CARD8: variants seen among roughly 807,000 people sequenced by gnomAD.
The protein encoded by CARD8 is caspase recruitment domain-containing protein 8.
Under a neutral mutation model 53.2 loss-of-function variants are expected in CARD8, and 38 were observed. The ratio of observed to expected loss-of-function variants is 0.71; its 90% confidence interval spans 0.55 to 0.94. The LOEUF is 0.94. Ranked by LOEUF, CARD8 falls within the 40% of genes least tolerant of loss-of-function variation. CARD8 has a pLI of 0.00. For synonymous variants in CARD8, 245 were observed against 244.9 expected (o/e 1.00, Z 0.00); for missense variants, 561 against 655.5 (o/e 0.86, Z 1.57).
intron 11 of CARD8, among the ~76,000 whole-genome samples, chr19:48,221,517 A>C (rs1600214183): frequency 6.6e-6 from 1 of 152,246 alleles, no homozygotes; most frequent in Non-Finnish European, 1.5e-5. Flanking sequence ...TTAACCTAAC[A>C]TAAGTATGTC....
At position 48,231,000 on chromosome 19, in the gene CARD8, C is replaced by A. The variant is rs554659325; in HGVS notation, c.549G>T (p.Trp183Cys). The A allele has an allele frequency of 7.4e-6, 12 of 1,613,774 alleles. No individual in the cohort carries two copies. The highest frequency in any genetic ancestry group is 8.5e-6 in the Non-Finnish European group (10 of 1,179,726). Residue 183 changes from tryptophan to cysteine, a missense_variant, in exon 9 of 14, where the codon TGG (tryptophan) becomes TGT (cysteine). Transcript: ENST00000651546. ...IDKSTNRYSV[W>C]FPTAGWYLWS... ...ACAGATACCAGCCAGCAGTGGGGAA[C>A]CAAACGCTGAAAGGAGCCAGAGTGA...
intron 5 of CARD8, 30 bp downstream of exon 5, chr19:48,238,353 A>G: frequency 6.5e-7 from 1 of 1,529,502 alleles, no homozygotes; most frequent in South Asian, 1.2e-5. Flanking sequence ...CAAATCTTTA[A>G]TTTTTTCCCA....
At chr19:48,227,605 C>T (rs922742370) in intron 10 of CARD8, among the ~76,000 whole-genome samples, 1 of 151,970 alleles carries the variant, frequency 6.6e-6, no homozygotes, top group African/African-American at 2.4e-5. Context: ...GAGTTCAAGA[C>T]CAGCCTGTCC....
At chr19:48,225,548 C>A (rs543415481) in intron 10 of CARD8, among the ~76,000 whole-genome samples, 1 of 151,990 alleles carries the variant, frequency 6.6e-6, no homozygotes, top group African/African-American at 2.4e-5. Flanking sequence ...TAAAGGCTTT[C>A]GGAAGCAGAA....
rs2037762237 is a variant in CARD8 at position 48,210,239 on chromosome 19, C to T, written c.*1471G>A. On this transcript the variant is annotated 3_prime_UTR_variant, in exon 14 of 14. Coordinates refer to ENST00000651546, the MANE Select transcript of CARD8 (RefSeq NM_001184900.3). The stretch of plus-strand genomic sequence containing the variant: ...AAAACAATGTCAACTAAAAATACTA[C>T]AAGCAAAAAACATCACTGAGAATGA... 6.6e-6 allele frequency: 1 copy of T among 151,996 alleles called. No homozygotes were observed. Among genetic ancestry groups the T allele is most frequent in the South Asian group, 2.1e-4 (1 of 4,830 alleles). 9.4% of individuals were successfully genotyped at this position (151,996 alleles called of 1,614,324 possible). A position where few individuals can be genotyped will look rare whatever the true frequency, so the allele number is the denominator to read the frequency against.
downstream of CARD8, chr19:48,203,921 C>G (rs763374827): frequency 1.1e-3 from 318 of 281,138 alleles, no homozygotes; most frequent in African/African-American, 6.2e-3. Flanking sequence ...GCCGGCTGAG[C>G]GCCACCAGCG....
intron 10 of CARD8, among the ~76,000 whole-genome samples, chr19:48,226,681 C>T (rs1219124098): frequency 2.6e-5 from 4 of 152,138 alleles, no homozygotes; most frequent in South Asian, 2.1e-4. Context: ...GTGAGATAAG[C>T]TTGAAGACTT....
At chr19:48,252,265 AT>A (rs2047019200) in intron 1 of CARD8, among the ~76,000 whole-genome samples, 1 of 152,042 alleles carries the variant, frequency 6.6e-6, no homozygotes. Context: ...GCTAGTTTGA[AT>A]TGAGGTGTAT....
chr19:48,243,888 A>G (rs555841590), intron 3 of CARD8, among the ~76,000 whole-genome samples: 1 of 152,388 alleles, frequency 6.6e-6, no homozygotes, highest in East Asian at 1.9e-4. Context: ...TAAGAATCTT[A>G]AAGAAGGTGT....
intron 5 of CARD8, among the ~76,000 whole-genome samples, chr19:48,237,254 C>T (rs984059921): frequency 9.2e-5 from 14 of 151,834 alleles, no homozygotes; most frequent in Admixed American, 5.9e-4. Context: ...GTGGAACAGG[C>T]CTGTCATATG....
At chr19:48,253,352 T>C (rs1013417987) in intron 1 of CARD8, among the ~76,000 whole-genome samples, 14 of 152,172 alleles carry the variant, frequency 9.2e-5, no homozygotes, top group Admixed American at 9.2e-4. Flanking sequence ...CCCAAAGTGC[T>C]GTAATTACAG....
chr19:48,233,182 A>C (rs1600449484), intron 6 of CARD8: 1 of 365,810 alleles, frequency 2.7e-6, no homozygotes, highest in African/African-American at 2.1e-5. Context: ...GGTGATTCCA[A>C]TATTAGCCAA....
intron 3 of CARD8, 67 bp from the exon 4 acceptor site, chr19:48,241,130 G>C (rs759106083): frequency 1.1e-5 from 10 of 878,190 alleles, no homozygotes; most frequent in East Asian, 2.6e-5. Flanking sequence ...CTTAGCTTCT[G>C]TGTCTCTCAA....
intron 3 of CARD8, among the ~76,000 whole-genome samples, 156 bp downstream of exon 3, chr19:48,249,367 A>AGAGT (rs1311137108): frequency 9.9e-5 from 15 of 152,248 alleles, no homozygotes; most frequent in African/African-American, 3.6e-4. Flanking sequence ...GCAACAGCCG[A>AGAGT]GAGTGGCTGG....
intron 1 of CARD8, among the ~76,000 whole-genome samples, chr19:48,250,610 C>A (rs1026232218): frequency 2.6e-5 from 4 of 152,030 alleles, no homozygotes; most frequent in African/African-American, 9.7e-5. Context: ...ATTTGATGTC[C>A]CCTGATGCCA....
chr19:48,223,888 C>T, intron 10 of CARD8: 1 of 456,238 alleles, frequency 2.2e-6, no homozygotes, highest in South Asian at 1.5e-5. Flanking sequence ...ATAAGGCACA[C>T]AACAAATATT....
intron 3 of CARD8, among the ~76,000 whole-genome samples, chr19:48,249,055 TG>T (rs1741582431): frequency 6.6e-6 from 1 of 151,932 alleles, no homozygotes; most frequent in Admixed American, 6.6e-5. Context: ...AAATTAGTCG[TG>T]CGTGGTGGCG....
intron 10 of CARD8, among the ~76,000 whole-genome samples, chr19:48,224,212 G>A (rs35158413): frequency 0.02 from 3,020 of 152,122 alleles, 47 homozygotes; most frequent in Middle Eastern, 0.061. Flanking sequence ...CGCCCACCTC[G>A]GCCTCCCAAA....
chr19:48,253,394 C>T (rs1217234597), intron 1 of CARD8, among the ~76,000 whole-genome samples: 2 of 152,128 alleles, frequency 1.3e-5, no homozygotes, highest in African/African-American at 4.8e-5. Flanking sequence ...CAACATTTAT[C>T]ATTTTAAATA....
Sources: allele counts gnomAD v4.1 joint callset (sites outside exome capture counted in the v4.1 genomes callset), GRCh38; gene constraint gnomAD v4.1.1; transcripts MANE v1.5; gene names NCBI Gene and HGNC (gene_info 2026-07-23, HGNC 2026-07-21).